The following CTNNA3 variants were observed in gnomAD, a reference collection of about 807,000 sequenced individuals.
CTNNA3 encodes the protein catenin alpha 3.
In CTNNA3, 76 loss-of-function variants were observed where a neutral mutation model predicts 95.7. The ratio of observed to expected loss-of-function variants is 0.79; its 90% CI spans 0.66 to 0.96. The LOEUF is 0.96. Ranked by LOEUF, CTNNA3 falls within the 40% of genes least tolerant of loss-of-function variation. CTNNA3 has a pLI of 0.00. For missense variants in CTNNA3, 1,191 were observed against 1,089.8 expected, an observed-to-expected ratio of 1.09 and a Z score of -1.31; for synonymous variants, 431 against 374.4, an observed-to-expected ratio of 1.15 and a Z score of -1.74.
intron 11 of CTNNA3, among the ~76,000 whole-genome samples, chr10:66,425,967 G>T (rs1273709441): frequency 6.6e-6 from 1 of 151,880 alleles, no homozygotes; most frequent in Non-Finnish European, 1.5e-5. Flanking sequence ...TTGTCATTTT[G>T]TACTTTATAT....
intron 5 of CTNNA3, among the ~76,000 whole-genome samples, chr10:67,380,923 T>C (rs961689270): frequency 6.6e-6 from 1 of 152,166 alleles, no homozygotes; most frequent in African/African-American, 2.4e-5. Flanking sequence ...CTAAGAGAAA[T>C]ATAATACCAA....
At chr10:66,042,899 CAAAAAAAAAAAAAAA>C (rs60090636) in intron 15 of CTNNA3, among the ~76,000 whole-genome samples, 2 of 50,418 alleles carry the variant, frequency 4.0e-5, no homozygotes, top group Admixed American at 3.5e-4. Flanking sequence ...GACTCTGTCT[CAAAAAAAAAAAAAAA>C]AAAAAAAAAA....
At chr10:67,526,747 T>C (rs571539700) in intron 4 of CTNNA3, among the ~76,000 whole-genome samples, 10 of 152,320 alleles carry the variant, frequency 6.6e-5, no homozygotes, top group African/African-American at 2.2e-4. Flanking sequence ...GCTTTATAGG[T>C]TACTGCTTTA....
chr10:66,834,387 C>T (rs1054937958), intron 7 of CTNNA3, among the ~76,000 whole-genome samples: 3 of 152,188 alleles, frequency 2.0e-5, no homozygotes, highest in African/African-American at 2.4e-5. Context: ...CACAGTTACA[C>T]AGGATTTTAG....
chr10:66,315,156 A>C (rs1302070227), intron 12 of CTNNA3, among the ~76,000 whole-genome samples: 1 of 152,004 alleles, frequency 6.6e-6, no homozygotes, highest in Non-Finnish European at 1.5e-5. Flanking sequence ...ACTAGAAGTA[A>C]GTAATTTTCC....
chr10:66,685,343 ATATATATATTTTTTTTTTTTTTT>A (rs1847247142), intron 9 of CTNNA3, among the ~76,000 whole-genome samples: 15 of 64,842 alleles, frequency 2.3e-4, no homozygotes, highest in Non-Finnish European at 3.6e-4. Context: ...ATATATATAT[ATATATATATTTTTTTTTTTTTTT>A]TTTTTTTTTT....
At chr10:67,532,100 T>A (rs1242914145) in intron 4 of CTNNA3, among the ~76,000 whole-genome samples, 3 of 152,308 alleles carry the variant, frequency 2.0e-5, no homozygotes, top group African/African-American at 7.2e-5. Flanking sequence ...TTGCCCAGTA[T>A]AAAGTATGTC....
chr10:65,932,029 T>G (rs2077261131), intron 17 of CTNNA3, among the ~76,000 whole-genome samples: 1 of 152,174 alleles, frequency 6.6e-6, no homozygotes, highest in Non-Finnish European at 1.5e-5. Context: ...GTTCTCAAGG[T>G]TACGTGGATG....
chr10:67,161,449 A>G (rs1394319980), intron 7 of CTNNA3, among the ~76,000 whole-genome samples: 8 of 151,748 alleles, frequency 5.3e-5, no homozygotes, highest in Admixed American at 5.3e-4. Flanking sequence ...CAAACTGGTA[A>G]AATGTCAACT....
rs533557709 is a variant in CTNNA3, at chr10:67,119,368, C to T, written c.1047+60949G>A. On this transcript the variant is annotated intron_variant, in intron 7 of 17. Coordinates refer to ENST00000433211, the MANE Select transcript of CTNNA3 (RefSeq NM_013266.4). Reference sequence around the variant, plus strand: ...AACCATTGTTTGAGCTATACATCTTCTCTACATCACTGGACATACTACTAC... The same window carrying T: ...AACCATTGTTTGAGCTATACATCTTTTCTACATCACTGGACATACTACTAC... Among the ~76,000 whole-genome samples, 6 of 151,986 alleles carry T rather than the reference C, an allele frequency of 3.9e-5. No homozygotes were observed. In the South Asian group the frequency reaches 1.0e-3, roughly 26 times the overall value.
intron 5 of CTNNA3, among the ~76,000 whole-genome samples, chr10:67,291,832 G>T (rs1046560129): frequency 2.0e-5 from 3 of 152,114 alleles, no homozygotes; most frequent in Non-Finnish European, 4.4e-5. Context: ...GCCTCTAAAG[G>T]TTCATGGAAA....
chr10:66,490,976 C>T (rs1368930751), intron 11 of CTNNA3, among the ~76,000 whole-genome samples: 1 of 152,170 alleles, frequency 6.6e-6, no homozygotes, highest in African/African-American at 2.4e-5. Flanking sequence ...TTTAATCCAG[C>T]TTGTCCCACA....
intron 3 of CTNNA3, among the ~76,000 whole-genome samples, chr10:67,602,649 T>C (rs777417235): frequency 1.1e-4 from 16 of 152,228 alleles, no homozygotes; most frequent in Admixed American, 2.0e-4. Flanking sequence ...ATAACATCTT[T>C]TTTTTGAACT....
chr10:66,397,664 C>T (rs1039037329), intron 11 of CTNNA3, among the ~76,000 whole-genome samples: 1 of 151,610 alleles, frequency 6.6e-6, no homozygotes, highest in African/African-American at 2.4e-5. Context: ...ACAGTCTAGT[C>T]GTAGAAATAA....
chr10:66,599,058 T>C (rs565538688), intron 10 of CTNNA3, among the ~76,000 whole-genome samples: 1 of 152,024 alleles, frequency 6.6e-6, no homozygotes, highest in Admixed American at 6.6e-5. Context: ...CATAGACCAA[T>C]GGAATAGATT....
At position 66,644,592 on chromosome 10, in the gene CTNNA3, A is replaced by G. The variant is rs914049376; in HGVS notation, c.1282-22808T>C. ...AAATTCACATGCAGTTGTAAGAAATAATATAGAGACATCCCTTGCAAACTT... is the reference window on the plus strand; with the variant it reads ...AAATTCACATGCAGTTGTAAGAAATGATATAGAGACATCCCTTGCAAACTT... On this transcript the variant is annotated intron_variant, in intron 9 of 17. Transcript: ENST00000433211. 5.9e-5 allele frequency among the ~76,000 whole-genome samples: 9 copies of G among 151,828 alleles called. No homozygotes were observed. In the East Asian group the frequency reaches 1.8e-3, roughly 30 times the overall value.
intron 1 of CTNNA3, among the ~76,000 whole-genome samples, chr10:67,740,533 A>T (rs1295189950): frequency 6.6e-6 from 1 of 151,492 alleles, no homozygotes; most frequent in African/African-American, 2.4e-5. Flanking sequence ...GAAGACATTT[A>T]TGCGGCCAAA....
chr10:66,229,574 T>C (rs917607001), intron 13 of CTNNA3, among the ~76,000 whole-genome samples: 2 of 152,164 alleles, frequency 1.3e-5, no homozygotes, highest in African/African-American at 2.4e-5. Context: ...CCTGTAAGGT[T>C]TCTGCTGAGA....
intron 10 of CTNNA3, among the ~76,000 whole-genome samples, chr10:66,617,043 A>G (rs1418176970): frequency 6.6e-6 from 1 of 151,918 alleles, no homozygotes; most frequent in East Asian, 1.9e-4. Flanking sequence ...TGAACATCCA[A>G]TATATATTTT....
Sources: allele counts gnomAD v4.1 joint callset (sites outside exome capture counted in the v4.1 genomes callset), GRCh38; gene constraint gnomAD v4.1.1; transcripts MANE v1.5; gene names NCBI Gene and HGNC (gene_info 2026-07-23, HGNC 2026-07-21).